ARHGAP24: variants seen among roughly 807,000 people sequenced by gnomAD.
The protein encoded by ARHGAP24 is rho GTPase-activating protein 24.
Under a neutral mutation model 76.4 loss-of-function variants are expected in ARHGAP24, and 50 were observed. The observed-to-expected ratio is 0.65, with a 90% CI of 0.52 to 0.83. ARHGAP24 has a LOEUF of 0.83. ARHGAP24 is among the 40% of genes least tolerant of loss of function. The pLI is 0.00. For missense variants in ARHGAP24, 930 were observed against 914.2 expected, an observed-to-expected ratio of 1.02 and a Z score of -0.22; for synonymous variants, 345 against 323.3, an observed-to-expected ratio of 1.07 and a Z score of -0.72.
At chr4:85,992,258 C>T in intron 8 of ARHGAP24, 1 of 395,390 alleles carries the variant, frequency 2.5e-6, no homozygotes, top group East Asian at 3.6e-5. Context: ...CTGTCCTAAA[C>T]AACTATAAAA....
chr4:85,514,817 TAAAAAAAAAAAAA>T (rs773699457), intron 1 of ARHGAP24, among the ~76,000 whole-genome samples: 8 of 82,500 alleles, frequency 9.7e-5, no homozygotes, highest in South Asian at 1.1e-3. Context: ...CTCTAAATTG[TAAAAAAAAAAAAA>T]AAAAAAAAAA....
intron 3 of ARHGAP24, among the ~76,000 whole-genome samples, chr4:85,741,300 A>G (rs1420164103): frequency 1.3e-5 from 2 of 152,208 alleles, no homozygotes; most frequent in African/African-American, 4.8e-5. Context: ...TGTTAGGAAA[A>G]ATGGGAACAT....
chr4:85,560,186 T>G (rs185563733), intron 1 of ARHGAP24, among the ~76,000 whole-genome samples: 76 of 152,194 alleles, frequency 5.0e-4, no homozygotes, highest in African/African-American at 1.7e-3. Flanking sequence ...CCAGTGGTTG[T>G]CTTTTTTATT....
chr4:85,718,905 C>T (rs1156770010), intron 2 of ARHGAP24, among the ~76,000 whole-genome samples: 1 of 152,154 alleles, frequency 6.6e-6, no homozygotes, highest in African/African-American at 2.4e-5. Context: ...AAGGAGGTAG[C>T]ATTTATGCTA....
intron 3 of ARHGAP24, among the ~76,000 whole-genome samples, chr4:85,917,240 A>G (rs1014217039): frequency 2.6e-5 from 4 of 151,968 alleles, no homozygotes; most frequent in Admixed American, 1.3e-4. Flanking sequence ...AAGGACATGA[A>G]CTCATCATTT....
intron 3 of ARHGAP24, among the ~76,000 whole-genome samples, chr4:85,819,692 G>A (rs374156895): frequency 6.6e-6 from 1 of 152,208 alleles, no homozygotes; most frequent in African/African-American, 2.4e-5. Flanking sequence ...GCTGAGGCGG[G>A]CAGATCACCT....
At chr4:85,840,921 T>A (rs778649571) in intron 3 of ARHGAP24, among the ~76,000 whole-genome samples, 22 of 152,230 alleles carry the variant, frequency 1.4e-4, no homozygotes, top group Non-Finnish European at 2.5e-4. Context: ...GTATCTTACT[T>A]GAATTTAGTC....
At chr4:85,952,093 G>A (rs346493) in intron 5 of ARHGAP24, among the ~76,000 whole-genome samples, 99,390 of 152,004 alleles carry the variant, frequency 0.65, 33,706 homozygotes, top group African/African-American at 0.82. Flanking sequence ...TTTAAAATTC[G>A]ACACTCCAGA....
intron 3 of ARHGAP24, among the ~76,000 whole-genome samples, chr4:85,763,240 A>AT (rs910426377): frequency 1.7e-4 from 26 of 152,064 alleles, no homozygotes; most frequent in African/African-American, 6.3e-4. Flanking sequence ...TGACTAGGCC[A>AT]TTTTTTTTAT....
intron 5 of ARHGAP24, among the ~76,000 whole-genome samples, chr4:85,948,127 A>T (rs1454793500): frequency 6.6e-6 from 1 of 152,152 alleles, no homozygotes. Context: ...TACATCTCTT[A>T]TTCTTATTAC....
chr4:85,869,094 T>C (rs1732378466), intron 3 of ARHGAP24, among the ~76,000 whole-genome samples: 1 of 152,122 alleles, frequency 6.6e-6, no homozygotes, highest in South Asian at 2.1e-4. Context: ...AATTGGCCCC[T>C]CCCAATCTCT....
intron 1 of ARHGAP24, among the ~76,000 whole-genome samples, chr4:85,528,309 A>G (rs1179060685): frequency 2.0e-5 from 3 of 152,128 alleles, no homozygotes; most frequent in Non-Finnish European, 4.4e-5. Context: ...CAAGAAAAAA[A>G]TATTAGCTAT....
intron 3 of ARHGAP24, among the ~76,000 whole-genome samples, chr4:85,742,202 CAGA>C (rs1725853801): frequency 6.6e-6 from 1 of 152,182 alleles, no homozygotes; most frequent in Admixed American, 6.5e-5. Flanking sequence ...ACCTTGGAGG[CAGA>C]AGCTGGCAGC....
rs1257238925 is a variant in ARHGAP24, at chr4:85,995,312, C to T, written c.1658C>T (p.Ala553Val). 8 of 1,613,942 alleles carry T rather than the reference C, an allele frequency of 5.0e-6. No individual in the cohort carries two copies. Among genetic ancestry groups the T allele is most frequent in the Non-Finnish European group, 6.8e-6 (8 of 1,180,030 alleles). Residue 553 changes from alanine (A) to valine (V), a missense_variant, in exon 9 of 10, where the codon GCT becomes GTT. Ala to Val is a moderately conservative substitution (Grantham distance 64). Coordinates refer to ENST00000395184, the MANE Select transcript of ARHGAP24 (RefSeq NM_001025616.3). ...NLDDKQSIDS[A>V]TWSTSSCEIS... The stretch of plus-strand genomic sequence containing the variant: ...GATGACAAGCAGAGCATTGACAGTG[C>T]TACCTGGTCCACTTCCTCCTGTGAA...
intron 3 of ARHGAP24, among the ~76,000 whole-genome samples, chr4:85,895,000 GCAAAAAAAAAAAAAAAAAAA>G (rs1734086693): frequency 2.1e-5 from 1 of 47,992 alleles, no homozygotes; most frequent in African/African-American, 7.6e-5. Context: ...AAAACAAAAA[GCAAAAAAAAAAAAAAAAAAA>G]AGAAAAGAAA....
chr4:85,504,429 A>G (rs1013971082), intron 1 of ARHGAP24, among the ~76,000 whole-genome samples: 16 of 152,156 alleles, frequency 1.1e-4, no homozygotes, highest in Non-Finnish European at 2.2e-4. Flanking sequence ...TATATTTAGG[A>G]TAGTTAGCTC....
At chr4:85,519,004 T>C (rs755162099) in intron 1 of ARHGAP24, among the ~76,000 whole-genome samples, 8 of 152,100 alleles carry the variant, frequency 5.3e-5, no homozygotes, top group Non-Finnish European at 1.2e-4. Flanking sequence ...GTGTTCCCTG[T>C]TCACCACATC....
chr4:85,487,243 T>TAA (rs1334074209), intron 1 of ARHGAP24, among the ~76,000 whole-genome samples: 1 of 127,778 alleles, frequency 7.8e-6, no homozygotes, highest in Non-Finnish European at 1.6e-5. Context: ...TTATATATAG[T>TAA]AAATATATAT....
chr4:85,883,485 G>A (rs779471745), intron 3 of ARHGAP24, among the ~76,000 whole-genome samples: 1 of 152,110 alleles, frequency 6.6e-6, no homozygotes, highest in Non-Finnish European at 1.5e-5. Flanking sequence ...AGACCCAATG[G>A]CAATGAACAG....
Sources: gnomAD v4.1 joint callset for allele counts (sites outside exome capture counted in the v4.1 genomes callset) on GRCh38, gnomAD v4.1.1 for gene constraint, MANE v1.5 for transcripts, NCBI Gene and HGNC (gene_info 2026-07-23, HGNC 2026-07-21) for gene names.